Variants in SNX29 observed in about 807,000 individuals in gnomAD.
SNX29 encodes the protein sorting nexin-29.
Under a neutral mutation model 102.1 loss-of-function variants are expected in SNX29, and 78 were observed. The ratio of observed to expected loss-of-function variants is 0.76; its 90% CI spans 0.64 to 0.92. The LOEUF (loss-of-function observed/expected upper bound fraction) is 0.92. SNX29 is among the 40% of genes least tolerant of loss of function. SNX29 has a pLI of 0.00. For missense variants in SNX29, 1,280 were observed against 1,061.7 expected, an observed-to-expected ratio of 1.21 and a Z score of -2.86; for synonymous variants, 580 against 414.5, an observed-to-expected ratio of 1.40 and a Z score of -4.85.
chr16:12,049,375 C>CG (rs1233805323), intron 7 of SNX29, among the ~76,000 whole-genome samples: 4 of 151,774 alleles, frequency 2.6e-5, no homozygotes, highest in Non-Finnish European at 5.9e-5. Context: ...CTCTATTGCC[C>CG]GGGTTGGAGT....
In SNX29 at chr16:12,557,015, AC is replaced by A. The variant is rs11387141; in HGVS notation, c.2319-11481del. Among the ~76,000 whole-genome samples, 170 of 31,836 alleles carry A rather than the reference AC, an allele frequency of 5.3e-3. 5 individuals are homozygous for A. The highest frequency in any genetic ancestry group is 0.017 in the African/African-American group (125 of 7,358). 20.9% of individuals were successfully genotyped at this position (31,836 alleles called of 152,430 possible). A position where few individuals can be genotyped will look rare whatever the true frequency, so the allele number is the denominator to read the frequency against. ...GGTACACACCACATCTGGCTAATTTACCCCCCCCCCGCCCCAAGATGAGGTC... is the reference window on the plus strand; with the variant it reads ...GGTACACACCACATCTGGCTAATTTACCCCCCCCCGCCCCAAGATGAGGTC... On this transcript the variant is annotated intron_variant, in intron 20 of 20. Transcript: ENST00000566228.
intron 15 of SNX29, among the ~76,000 whole-genome samples, chr16:12,309,825 C>G (rs116976591): frequency 2.0e-5 from 3 of 152,264 alleles, no homozygotes; most frequent in African/African-American, 4.8e-5. Context: ...AAGGCACCTG[C>G]GTAGGTGTCA....
intron 1 of SNX29, among the ~76,000 whole-genome samples, chr16:11,990,198 C>T (rs111530303): frequency 0.017 from 2,545 of 152,208 alleles, 64 homozygotes; most frequent in African/African-American, 0.058. Flanking sequence ...TGTTTCATGT[C>T]GAGTTGGCTG....
intron 13 of SNX29, among the ~76,000 whole-genome samples, chr16:12,138,668 A>G (rs1213033933): frequency 6.6e-6 from 1 of 152,194 alleles, no homozygotes; most frequent in African/African-American, 2.4e-5. Flanking sequence ...ATGTCTTTCA[A>G]AAATTAACAT....
At chr16:12,017,361 G>A (rs1417894288) in intron 3 of SNX29, among the ~76,000 whole-genome samples, 1 of 152,004 alleles carries the variant, frequency 6.6e-6, no homozygotes, top group Admixed American at 6.6e-5. Flanking sequence ...ACCCTTTTGT[G>A]GTTGATTTCT....
chr16:12,549,510 C>G (rs2077827493), intron 20 of SNX29, among the ~76,000 whole-genome samples: 1 of 152,046 alleles, frequency 6.6e-6, no homozygotes, highest in Non-Finnish European at 1.5e-5. Context: ...GATGTTCATG[C>G]CATTTTTCAT....
chr16:12,570,158 GC>G lies in SNX29; in HGVS notation c.*1536del, dbSNP rs765744555. The G allele has an allele frequency of 1.0e-5, 11 of 1,063,998 alleles. No individual in the cohort carries two copies. The highest frequency in any genetic ancestry group is 1.3e-5 in the Non-Finnish European group (11 of 878,334). 65.9% of individuals were successfully genotyped at this position (1,063,998 alleles called of 1,614,324 possible). ...AAGGCTGAGATCACTCACACACAGC[GC>G]CCCCCCACCCCAGAGAAACCGAGTC... On this transcript the variant is annotated 3_prime_UTR_variant, in exon 21 of 21. Transcript: ENST00000566228.
chr16:12,370,357 C>G (rs914854998), intron 16 of SNX29, among the ~76,000 whole-genome samples: 4 of 150,754 alleles, frequency 2.7e-5, no homozygotes, highest in Non-Finnish European at 4.4e-5. Flanking sequence ...GTCAGGAGTT[C>G]GAGACCAGCC....
chr16:12,109,727 T>C (rs2053426408), intron 11 of SNX29, among the ~76,000 whole-genome samples: 1 of 143,148 alleles, frequency 7.0e-6, no homozygotes, highest in Non-Finnish European at 1.6e-5. Flanking sequence ...TGAGCTTCCA[T>C]TGCCCTCATC....
chr16:12,343,826 A>G (rs1387960601), intron 15 of SNX29, among the ~76,000 whole-genome samples: 2 of 152,250 alleles, frequency 1.3e-5, no homozygotes, highest in Non-Finnish European at 2.9e-5. Flanking sequence ...AGAAACGTGA[A>G]TGAATGACTG....
At position 12,461,973 on chromosome 16, in the gene SNX29, AAAAAAATATATATATATATAT is replaced by A. The variant is rs1248725272; in HGVS notation, c.2038-15744_2038-15724del. ...TCTGTCTCAAAAAAAAAAAAAAAAA[AAAAAAATATATATATATATAT>A]ATATATATATATATATATGTATACA... On this transcript the variant is annotated intron_variant, in intron 18 of 20. Coordinates refer to ENST00000566228, the MANE Select transcript of SNX29 (RefSeq NM_032167.5). Among the ~76,000 whole-genome samples, 5 of 69,584 alleles carry A rather than the reference AAAAAAATATATATATATATAT, an allele frequency of 7.2e-5. No individual in the cohort carries two copies. In the East Asian group the frequency reaches 1.7e-3, roughly 23 times the overall value. 45.6% of individuals were successfully genotyped at this position (69,584 alleles called of 152,430 possible).
At chr16:12,549,289 G>T (rs577106746) in intron 20 of SNX29, among the ~76,000 whole-genome samples, 14 of 152,122 alleles carry the variant, frequency 9.2e-5, no homozygotes, top group Admixed American at 2.0e-4. Context: ...AGGGTCAGAA[G>T]TTGGAAACCA....
intron 16 of SNX29, among the ~76,000 whole-genome samples, chr16:12,360,165 A>T (rs1348779463): frequency 1.3e-5 from 2 of 152,196 alleles, no homozygotes; most frequent in Non-Finnish European, 2.9e-5. Context: ...ATCATGAAAT[A>T]CCCAGTCAGT....
chr16:11,989,925 AG>A (rs2055782869), intron 1 of SNX29, among the ~76,000 whole-genome samples: 1 of 152,198 alleles, frequency 6.6e-6, no homozygotes, highest in Non-Finnish European at 1.5e-5. Context: ...TTGATGATGT[AG>A]CCCTTTTTCT....
intron 1 of SNX29, among the ~76,000 whole-genome samples, chr16:11,986,762 A>C (rs1393956751): frequency 6.6e-6 from 1 of 152,174 alleles, no homozygotes; most frequent in Non-Finnish European, 1.5e-5. Context: ...AATATTTTCT[A>C]CTTTGTGGGC....
chr16:12,248,132 G>T (rs1475175053), intron 14 of SNX29, among the ~76,000 whole-genome samples: 1 of 152,190 alleles, frequency 6.6e-6, no homozygotes. Context: ...GAAAATAGAA[G>T]TTGGCTCATG....
In SNX29 at chr16:12,551,702, T is replaced by C. The variant is rs138154938; in HGVS notation, c.2319-16804T>C. ...ATAAAAGTACCACCCTCCTTTCAGG[T>C]GGTGAGCCAACTTGTGAATGGGGAC... On this transcript the variant is annotated intron_variant, in intron 20 of 20. Transcript: ENST00000566228. Among the ~76,000 whole-genome samples, 203 of 152,262 alleles carry C rather than the reference T, an allele frequency of 1.3e-3. 2 individuals are homozygous for C. Among genetic ancestry groups the C allele is most frequent in the African/African-American group, 4.6e-3 (190 of 41,540 alleles).
intron 1 of SNX29, among the ~76,000 whole-genome samples, chr16:11,994,991 C>G (rs896330586): frequency 2.0e-5 from 3 of 152,160 alleles, no homozygotes; most frequent in African/African-American, 7.2e-5. Context: ...CCGTTCAGTG[C>G]TCTCCACTGT....
chr16:12,538,662 C>T (rs1000007982), intron 20 of SNX29, among the ~76,000 whole-genome samples: 13 of 152,118 alleles, frequency 8.5e-5, no homozygotes, highest in African/African-American at 3.1e-4. Flanking sequence ...CAGAAAGATC[C>T]ACAGATCTTT....
Sources: allele counts gnomAD v4.1 joint callset (sites outside exome capture counted in the v4.1 genomes callset), GRCh38; gene constraint gnomAD v4.1.1; transcripts MANE v1.5; gene names NCBI Gene and HGNC (gene_info 2026-07-23, HGNC 2026-07-21).